The following TMEM63A variants were observed in gnomAD, a reference collection of about 807,000 sequenced individuals.
The protein encoded by TMEM63A is transmembrane protein 63A.
A neutral mutation model predicts 100.6 loss-of-function variants in TMEM63A; 76 were observed. The observed-to-expected ratio is 0.76, with a 90% CI of 0.63 to 0.91. The LOEUF is 0.91. TMEM63A is among the 40% of genes least tolerant of loss of function. The pLI is 0.00. For missense variants in TMEM63A, 876 were observed against 1,008.8 expected (o/e 0.87, Z 1.78); for synonymous variants, 401 against 401.1 (o/e 1.00, Z 0.00).
rs1445635436 is a variant in TMEM63A, at chr1:225,855,892, G to C, written c.1620C>G (p.Ala540=). The change falls in exon 18 of 25, where the codon GCC becomes GCG. Residue 540 remains alanine (A), a synonymous_variant. Transcript: ENST00000366835. Reference sequence around the variant, plus strand: ...GCAATACTCACTCCAACCTGATGGAGGCCTCCGAGGAAGTTTTGTCAAAGA... The same window carrying C: ...GCAATACTCACTCCAACCTGATGGACGCCTCCGAGGAAGTTTTGTCAAAGA... ...RWLFDKTSSE[A]SIRLECVFLP... 6.2e-7 allele frequency: 1 copy of C among 1,613,928 alleles called. No individual in the cohort carries two copies. The highest frequency in any genetic ancestry group is 1.1e-5 in the South Asian group (1 of 91,064).
At chr1:225,869,835 G>A (rs984232825) in intron 6 of TMEM63A, among the ~76,000 whole-genome samples, 1 of 151,022 alleles carries the variant, frequency 6.6e-6, no homozygotes, top group African/African-American at 2.4e-5. Flanking sequence ...GCTAATTTTT[G>A]TATTTTTAGT....
intron 15 of TMEM63A, among the ~76,000 whole-genome samples, chr1:225,857,376 C>CGGGGTGGGGTGGGGGG (rs1213111924): frequency 3.1e-4 from 1 of 3,270 alleles, no homozygotes; most frequent in African/African-American, 6.2e-4. Context: ...GAGTCCTGGC[C>CGGGGTGGGGTGGGGGG]GGCGGGGCGG....
rs575969710 is a variant in TMEM63A, at chr1:225,870,686, C to CA, written c.371+389dup. On this transcript the variant is annotated intron_variant, in intron 6 of 24. Transcript: ENST00000366835. ...TAAATATTAAGTTGAATAATTAAAG[C>CA]AAAAAAATAGCTTTAATTAGTTTGT... Among the ~76,000 whole-genome samples the CA allele has an allele frequency of 2.8e-4, 43 of 152,074 alleles. 1 individual carries two copies. In the South Asian group the frequency reaches 3.1e-3, roughly 11 times the overall value.
intron 20 of TMEM63A, among the ~76,000 whole-genome samples, chr1:225,850,459 TG>T (rs1004297918): frequency 4.6e-5 from 7 of 152,266 alleles, no homozygotes; most frequent in Admixed American, 3.3e-4. Flanking sequence ...CATAGGAATG[TG>T]GGGGAGTTTA....
At chr1:225,881,534 G>A (rs189756013) in intron 1 of TMEM63A, among the ~76,000 whole-genome samples, 20 of 152,320 alleles carry the variant, frequency 1.3e-4, no homozygotes, top group Admixed American at 4.6e-4. Context: ...ACAAAGGAGA[G>A]GGGCGTGTGA....
chr1:225,850,319 G>A (rs1669259391), intron 20 of TMEM63A, among the ~76,000 whole-genome samples: 1 of 152,060 alleles, frequency 6.6e-6, no homozygotes, highest in Non-Finnish European at 1.5e-5. Context: ...CAGGGTGGTG[G>A]GAGAAAATTT....
intron 23 of TMEM63A, 97 bp downstream of exon 23, chr1:225,848,395 G>A (rs553578689): frequency 7.8e-7 from 1 of 1,290,170 alleles, no homozygotes; most frequent in African/African-American, 1.5e-5. Context: ...CTTAGCAAGA[G>A]ATGATCAAAG....
chr1:225,848,794 T>C, intron 22 of TMEM63A, 103 bp downstream of exon 22: 1 of 996,768 alleles, frequency 1.0e-6, no homozygotes, highest in South Asian at 1.5e-5. Flanking sequence ...AGAAGGCTGC[T>C]GCTGTGTTGA....
At chr1:225,861,985 G>T in intron 13 of TMEM63A, 1 of 637,670 alleles carries the variant, frequency 1.6e-6, no homozygotes, top group Non-Finnish European at 2.6e-6. Context: ...GAGGGGGTCA[G>T]CCAGAATCAC....
In TMEM63A at chr1:225,849,934, G is replaced by A; in HGVS notation, c.2049C>T (p.Tyr683=). Reference sequence around the variant, plus strand: ...CACCCAGGCGCAGGAAGGAAAAGAAGTAGAGCCAGAAGAGGCACAGGATGG... The same window carrying A: ...CACCCAGGCGCAGGAAGGAAAAGAAATAGAGCCAGAAGAGGCACAGGATGG... ...AAPILCLFWL[Y]FFSFLRLGMK... is the part of the protein sequence containing the mutation. The change falls in exon 21 of 25, where the codon TAC becomes TAT. Residue 683 remains tyrosine (Y), a synonymous_variant. Transcript: ENST00000366835. The A allele has an allele frequency of 1.2e-6, 2 of 1,614,154 alleles. No individual in the cohort carries two copies. The highest frequency in any genetic ancestry group is 2.2e-5 in the East Asian group (1 of 44,882).
At chr1:225,864,477 G>A (rs1262884713) in intron 10 of TMEM63A, 1 of 152,194 alleles carries the variant, frequency 6.6e-6, no homozygotes, top group Non-Finnish European at 1.5e-5. Flanking sequence ...TCTTAAAATA[G>A]GGGAAAGCAT....
At chr1:225,842,518 C>T (rs894760452), downstream of TMEM63A, 1 of 1,335,414 alleles carries the variant, frequency 7.5e-7, no homozygotes, top group Non-Finnish European at 1.1e-6. Context: ...CTGGTCCCAG[C>T]AGCCAACCTC....
At chr1:225,864,656 A>G (rs889427118) in intron 10 of TMEM63A, 1 of 152,240 alleles carries the variant, frequency 6.6e-6, no homozygotes, top group Non-Finnish European at 1.5e-5. Context: ...ATATTAGTAA[A>G]TATTTCTAAA....
In TMEM63A at chr1:225,859,323, C is replaced by T. The variant is rs746536484; in HGVS notation, c.1250G>A (p.Arg417His). The change falls in exon 15 of 25, where the codon CGC (arginine) becomes CAC (histidine). Residue 417 changes from arginine to histidine, a missense_variant. This residue lies in a region of TMEM63A where 487 missense variants were observed against 581.9 expected (regional missense o/e 0.84). Coordinates refer to ENST00000366835, the MANE Select transcript of TMEM63A (RefSeq NM_014698.3). The stretch of plus-strand genomic sequence containing the variant: ...GATGCCCAGCCACTGTAGCCACCAG[C>T]GGAGGCCCTGGATAGAGAGGTTCTT... ...CWKNLSIQGL[R>H]WWLQWLGINF... 6.2e-6 allele frequency: 10 copies of T among 1,613,958 alleles called. No individual in the cohort carries two copies. The African/African-American group carries it at 6.7e-5, about 11-fold the overall frequency.
In TMEM63A at chr1:225,856,991, G is replaced by C; in HGVS notation, c.1404C>G (p.Pro468=). 6.3e-7 allele frequency: 1 copy of C among 1,586,366 alleles called. No homozygotes were observed. Among genetic ancestry groups the C allele is most frequent in the East Asian group, 2.3e-5 (1 of 43,992 alleles). The change falls in exon 16 of 25, where the codon CCC becomes CCG. Residue 468 remains proline, a synonymous_variant. Transcript: ENST00000366835. ...CCGAGAAGGACCAGAGCAGGAGGGTGGGGAAGAACTGGCTGATGATCGGGT... is the reference window on the plus strand; with the variant it reads ...CCGAGAAGGACCAGAGCAGGAGGGTCGGGAAGAACTGGCTGATGATCGGGT... ...LNNPIISQFF[P]TLLLWSFSAL...
chr1:225,851,526 T>C (rs925138259), intron 20 of TMEM63A, among the ~76,000 whole-genome samples: 1 of 152,096 alleles, frequency 6.6e-6, no homozygotes, highest in African/African-American at 2.4e-5. Context: ...CCTGCCACCA[T>C]GCCCAGTTAA....
downstream of TMEM63A, chr1:225,842,499 G>A: frequency 6.5e-7 from 1 of 1,538,536 alleles, no homozygotes; most frequent in Non-Finnish European, 9.0e-7. Flanking sequence ...TGCCCCTGCA[G>A]TCATGACCCT....
intron 18 of TMEM63A, among the ~76,000 whole-genome samples, chr1:225,855,186 A>T (rs1669558679): frequency 6.6e-6 from 1 of 152,224 alleles, no homozygotes; most frequent in Non-Finnish European, 1.5e-5. Flanking sequence ...ACCTATATTA[A>T]GACCTAATGT....
rs1668929699 is a variant in TMEM63A at position 225,845,768 on chromosome 1, G to A, written c.*1171C>T. The A allele has an allele frequency of 3.3e-6, 1 of 304,074 alleles. No homozygotes were observed. The highest frequency in any genetic ancestry group is 6.3e-6 in the Non-Finnish European group (1 of 158,902). 18.8% of individuals were successfully genotyped at this position (304,074 alleles called of 1,614,324 possible). On this transcript the variant is annotated 3_prime_UTR_variant, in exon 25 of 25. Transcript: ENST00000366835. Reference sequence around the variant, plus strand: ...GGCAGCTTGGAGCAGAGGCAGCACTGGCCACCACTGCGGGGGCAAGTCAGC... The same window carrying A: ...GGCAGCTTGGAGCAGAGGCAGCACTAGCCACCACTGCGGGGGCAAGTCAGC...
Sources: gnomAD v4.1 joint callset for allele counts (sites outside exome capture counted in the v4.1 genomes callset) on GRCh38, gnomAD v4.1.1 for gene constraint, gnomAD v4.1.1 regional missense constraint, MANE v1.5 for transcripts, NCBI Gene and HGNC (gene_info 2026-07-23, HGNC 2026-07-21) for gene names.